RBFOX1: variants seen among roughly 807,000 people sequenced by gnomAD.
The protein encoded by RBFOX1 is RNA binding protein fox-1 homolog 1.
A neutral mutation model predicts 57.7 loss-of-function variants in RBFOX1; 8 were observed. The observed-to-expected ratio is 0.14, with a 90% CI of 0.08 to 0.25. The LOEUF (loss-of-function observed/expected upper bound fraction) is 0.25, where lower values mean the gene tolerates loss of function less well. Ranked by LOEUF, RBFOX1 falls within the 10% of genes least tolerant of loss-of-function variation. The pLI is 1.00. For synonymous variants in RBFOX1, 326 were observed against 222.4 expected (o/e 1.47, Z -4.15); for missense variants, 611 against 548.5 (o/e 1.11, Z -1.14).
chr16:7,393,396 GA>G (rs946916938), intron 4 of RBFOX1, among the ~76,000 whole-genome samples: 2 of 152,112 alleles, frequency 1.3e-5, no homozygotes, highest in African/African-American at 4.8e-5. Flanking sequence ...TTCACTGTAT[GA>G]AAAACCCAAC....
At chr16:5,476,548 C>T (rs2069331077) in intron 2 of RBFOX1, among the ~76,000 whole-genome samples, 1 of 152,240 alleles carries the variant, frequency 6.6e-6, no homozygotes, top group South Asian at 2.1e-4. Flanking sequence ...AAGCTCAGCC[C>T]TGGCACTCAC....
chr16:6,735,079 A>C (rs2069767832), intron 3 of RBFOX1, among the ~76,000 whole-genome samples: 3 of 152,080 alleles, frequency 2.0e-5, no homozygotes, highest in Admixed American at 6.6e-5. Context: ...AGGGAAGTCA[A>C]GGCTTCAGCG....
At chr16:6,622,159 G>C (rs1390867760) in intron 2 of RBFOX1, among the ~76,000 whole-genome samples, 3 of 152,124 alleles carry the variant, frequency 2.0e-5, no homozygotes, top group African/African-American at 4.8e-5. Context: ...TTGAATGATA[G>C]CACAAAATAT....
chr16:7,018,783 G>A (rs1310463408), intron 3 of RBFOX1, among the ~76,000 whole-genome samples: 1 of 74,734 alleles, frequency 1.3e-5, no homozygotes, highest in Non-Finnish European at 2.9e-5. Flanking sequence ...ATACCTTAAA[G>A]TATTAAAAAA....
At chr16:7,619,157 G>A (rs2058919327) in intron 10 of RBFOX1, among the ~76,000 whole-genome samples, 1 of 151,876 alleles carries the variant, frequency 6.6e-6, no homozygotes, top group Non-Finnish European at 1.5e-5. Context: ...CACACTTATT[G>A]TATTAAACCC....
At chr16:5,850,710 G>A (rs1209035903) in intron 3 of RBFOX1, among the ~76,000 whole-genome samples, 3 of 152,280 alleles carry the variant, frequency 2.0e-5, no homozygotes, top group South Asian at 2.1e-4. Flanking sequence ...GCATTGCCTC[G>A]GTTTGCACAG....
chr16:7,311,528 A>G (rs575586903), intron 4 of RBFOX1, among the ~76,000 whole-genome samples: 6 of 142,826 alleles, frequency 4.2e-5, no homozygotes, highest in South Asian at 4.5e-4. Flanking sequence ...ATTCGCCTCA[A>G]TGACTAGATT....
At chr16:5,323,352 T>C (rs1462848090) in intron 1 of RBFOX1, among the ~76,000 whole-genome samples, 1 of 152,186 alleles carries the variant, frequency 6.6e-6, no homozygotes, top group Admixed American at 6.5e-5. Context: ...TGGCTGGTCA[T>C]GATGACCCAA....
At chr16:7,710,493 T>C (rs2083839765) in intron 15 of RBFOX1, 130 bp from the exon 16 acceptor site, 1 of 1,548,604 alleles carries the variant, frequency 6.5e-7, no homozygotes, top group African/African-American at 1.4e-5. Context: ...AAGAATGACC[T>C]GGGATGGGTA....
intron 11 of RBFOX1, among the ~76,000 whole-genome samples, chr16:7,647,830 T>G (rs2064056776): frequency 6.6e-6 from 1 of 152,202 alleles, no homozygotes. Flanking sequence ...TTGGCATGTC[T>G]GGATCCAGAC....
chr16:5,536,352 A>T, intron 2 of RBFOX1, among the ~76,000 whole-genome samples: 1 of 149,864 alleles, frequency 6.7e-6, no homozygotes, highest in East Asian at 2.0e-4. Context: ...CTCCTGCCTC[A>T]GCCTGCTGAG....
chr16:5,791,376 G>A (rs891901462), intron 3 of RBFOX1, among the ~76,000 whole-genome samples: 1 of 152,120 alleles, frequency 6.6e-6, no homozygotes, highest in African/African-American at 2.4e-5. Context: ...CTCACCAGGA[G>A]TCATTATTTT....
At chr16:5,517,717 G>A (rs750774587) in intron 2 of RBFOX1, among the ~76,000 whole-genome samples, 2 of 152,142 alleles carry the variant, frequency 1.3e-5, no homozygotes, top group Non-Finnish European at 2.9e-5. Flanking sequence ...AGACCAAGAA[G>A]GACTTGTTTT....
intron 3 of RBFOX1, among the ~76,000 whole-genome samples, chr16:5,777,485 T>C (rs957282415): frequency 2.6e-5 from 4 of 152,190 alleles, no homozygotes; most frequent in African/African-American, 9.6e-5. Flanking sequence ...TGAGGGGTCG[T>C]TGTGAGAGTA....
At chr16:6,429,088 G>A (rs925145819) in intron 2 of RBFOX1, among the ~76,000 whole-genome samples, 1 of 152,230 alleles carries the variant, frequency 6.6e-6, no homozygotes, top group Admixed American at 6.5e-5. Flanking sequence ...GCATCCTTGT[G>A]TGGGGGATTA....
intron 4 of RBFOX1, among the ~76,000 whole-genome samples, chr16:7,219,770 A>G (rs886205719): frequency 6.6e-6 from 1 of 152,184 alleles, no homozygotes; most frequent in Admixed American, 6.5e-5. Flanking sequence ...GAAAAGCCAG[A>G]CGGATAATTT....
intron 3 of RBFOX1, chr16:6,983,674 C>T (rs1022741898): frequency 1.3e-5 from 2 of 152,204 alleles, no homozygotes; most frequent in Non-Finnish European, 2.9e-5. Context: ...AGAGGCAAGG[C>T]CTGTCGGTTC....
At chr16:5,835,101 C>T (rs1228317927) in intron 3 of RBFOX1, among the ~76,000 whole-genome samples, 1 of 152,120 alleles carries the variant, frequency 6.6e-6, no homozygotes, top group Non-Finnish European at 1.5e-5. Context: ...CAACTTGACA[C>T]ATCTGTGTCA....
intron 3 of RBFOX1, among the ~76,000 whole-genome samples, chr16:6,666,305 G>A (rs1278880928): frequency 6.6e-6 from 1 of 152,122 alleles, no homozygotes; most frequent in Non-Finnish European, 1.5e-5. Context: ...AGGCTTAGGC[G>A]GGCGGATCAC....
Sources: gnomAD v4.1 joint callset for allele counts (sites outside exome capture counted in the v4.1 genomes callset) on GRCh38, gnomAD v4.1.1 for gene constraint, MANE v1.5 for transcripts, NCBI Gene and HGNC (gene_info 2026-07-23, HGNC 2026-07-21) for gene names.